SLC4A4: variants seen among roughly 807,000 people sequenced by gnomAD.
The protein encoded by SLC4A4 is solute carrier family 4 member 4.
Under a neutral mutation model 111.5 loss-of-function variants are expected in SLC4A4, and 27 were observed. The observed-to-expected ratio is 0.24, with a 90% CI of 0.18 to 0.33. The LOEUF is 0.33. SLC4A4 is among the 10% of genes least tolerant of loss of function. SLC4A4 has a pLI of 1.00. For missense variants in SLC4A4, 909 were observed against 1,315.5 expected, an observed-to-expected ratio of 0.69 and a Z score of 4.78; for synonymous variants, 443 against 463.4, an observed-to-expected ratio of 0.96 and a Z score of 0.57.
chr4:71,200,663 A>C (rs531621946), intron 1 of SLC4A4, among the ~76,000 whole-genome samples: 2 of 152,322 alleles, frequency 1.3e-5, no homozygotes, highest in Middle Eastern at 6.8e-3. Context: ...GGCCATCAGC[A>C]AAGGGGCCTG....
intron 8 of SLC4A4, among the ~76,000 whole-genome samples, chr4:71,443,434 G>A (rs1560513496): frequency 6.6e-6 from 1 of 151,956 alleles, no homozygotes; most frequent in Non-Finnish European, 1.5e-5. Context: ...ACAGGCATGA[G>A]CCACCGTGCC....
chr4:71,405,182 A>G (rs1023121294), intron 7 of SLC4A4, among the ~76,000 whole-genome samples: 1 of 152,060 alleles, frequency 6.6e-6, no homozygotes, highest in African/African-American at 2.4e-5. Context: ...AAACTTTAGA[A>G]TTTTCTGATT....
At position 71,188,875 on chromosome 4, in the gene SLC4A4, A is replaced by G. The variant is rs191832941; in HGVS notation, c.-2+1474A>G. Among the ~76,000 whole-genome samples the G allele has an allele frequency of 1.3e-3, 200 of 152,312 alleles. 1 individual carries two copies. Among genetic ancestry groups the G allele is most frequent in the African/African-American group, 4.6e-3 (190 of 41,560 alleles). ...AGGAAGTGTGCCTGTTTATTTTTCTATAACTTTTATAGCTGAGAAAAAACT... is the reference window on the plus strand; with the variant it reads ...AGGAAGTGTGCCTGTTTATTTTTCTGTAACTTTTATAGCTGAGAAAAAACT... On this transcript the variant is annotated intron_variant, in intron 1 of 25. Coordinates refer to ENST00000264485, the MANE Select transcript of SLC4A4 (RefSeq NM_001098484.3).
intron 2 of SLC4A4, among the ~76,000 whole-genome samples, chr4:71,123,700 C>T (rs1479076113): frequency 3.3e-5 from 5 of 152,084 alleles, no homozygotes; most frequent in South Asian, 2.1e-4. Flanking sequence ...CTCATTCTGT[C>T]GTGTCTTATT....
At position 71,397,436 on chromosome 4, in the gene SLC4A4, A is replaced by G. The variant is rs916950499; in HGVS notation, c.731-141A>G. 23 of 772,704 alleles carry G rather than the reference A, an allele frequency of 3.0e-5. No individual in the cohort carries two copies. In the African/African-American group the frequency reaches 4.0e-4, roughly 13 times the overall value. 47.9% of individuals were successfully genotyped at this position (772,704 alleles called of 1,614,324 possible). ...TGTACTCCAACCTGGACTCTGGAAA[A>G]CTCTTCAGAAGAATCCTAGTGTGGT... is the stretch of plus-strand genomic sequence containing the variant. On this transcript the variant is annotated intron_variant, in intron 6 of 25. Transcript: ENST00000264485.
At chr4:71,077,183 C>T (rs1189989436) in intron 1 of SLC4A4, among the ~76,000 whole-genome samples, 10 of 146,448 alleles carry the variant, frequency 6.8e-5, no homozygotes, top group South Asian at 2.1e-4. Flanking sequence ...TTTTTTGAGA[C>T]GGAGTCTCGC....
At chr4:71,305,843 A>T (rs1725639526) in intron 3 of SLC4A4, among the ~76,000 whole-genome samples, 1 of 152,210 alleles carries the variant, frequency 6.6e-6, no homozygotes, top group Non-Finnish European at 1.5e-5. Context: ...ACATATGAAG[A>T]TTTTATAATG....
chr4:71,420,614 C>T (rs558961994), intron 7 of SLC4A4, among the ~76,000 whole-genome samples: 1 of 152,284 alleles, frequency 6.6e-6, no homozygotes, highest in African/African-American at 2.4e-5. Flanking sequence ...AAAGGGAAGC[C>T]CATCAGACTA....
At chr4:71,437,642 C>T (rs1724279882) in intron 7 of SLC4A4, 3 of 508,930 alleles carry the variant, frequency 5.9e-6, no homozygotes, top group South Asian at 4.4e-5. Context: ...GCAAGTTTAT[C>T]ACCCAAACCT....
At position 71,213,684 on chromosome 4, in the gene SLC4A4, C is replaced by T. The variant is rs368176132; in HGVS notation, c.-1-22892C>T. ...TAAGTTGAAGCCCTAATTTCCAGTA[C>T]GATGATATTTGGAAGTAAGACCTTT... On this transcript the variant is annotated intron_variant, in intron 1 of 25. Transcript: ENST00000264485. 1.2e-4 allele frequency among the ~76,000 whole-genome samples: 18 copies of T among 152,162 alleles called. No individual in the cohort carries two copies. In the South Asian group the frequency reaches 3.5e-3, roughly 30 times the overall value.
chr4:71,275,941 A>G (rs1377480875), intron 3 of SLC4A4, among the ~76,000 whole-genome samples: 2 of 152,234 alleles, frequency 1.3e-5, no homozygotes, highest in African/African-American at 4.8e-5. Context: ...AATCCACGAG[A>G]TGTGGCTGCC....
intron 16 of SLC4A4, among the ~76,000 whole-genome samples, chr4:71,530,308 C>T (rs887180928): frequency 2.6e-5 from 4 of 152,090 alleles, no homozygotes; most frequent in Non-Finnish European, 5.9e-5. Flanking sequence ...TATTGTTAAG[C>T]ACTTTCATGG....
At chr4:71,381,697 C>G (rs1325502484) in intron 6 of SLC4A4, among the ~76,000 whole-genome samples, 1 of 152,140 alleles carries the variant, frequency 6.6e-6, no homozygotes, top group Admixed American at 6.6e-5. Context: ...CAGACACAGT[C>G]CCTATCTTAG....
chr4:71,172,970 C>T (rs1578549582), intron 2 of SLC4A4, among the ~76,000 whole-genome samples: 2 of 152,160 alleles, frequency 1.3e-5, no homozygotes, highest in Non-Finnish European at 2.9e-5. Context: ...ACTGTCTGTA[C>T]TATGTTTTTC....
At chr4:71,259,590 A>AC (rs371769999) in intron 3 of SLC4A4, among the ~76,000 whole-genome samples, 81 of 151,946 alleles carry the variant, frequency 5.3e-4, no homozygotes, top group African/African-American at 1.9e-3. Flanking sequence ...GAGAAAAGTT[A>AC]GATTGTGCTC....
chr4:71,491,782 G>A (rs943690181), intron 15 of SLC4A4, among the ~76,000 whole-genome samples: 1 of 151,386 alleles, frequency 6.6e-6, no homozygotes, highest in African/African-American at 2.4e-5. Flanking sequence ...TAGAAGTTTG[G>A]TGATGTTTTT....
At chr4:71,428,241 C>T (rs188391569) in intron 7 of SLC4A4, among the ~76,000 whole-genome samples, 1 of 152,230 alleles carries the variant, frequency 6.6e-6, no homozygotes, top group East Asian at 1.9e-4. Context: ...TAGACCTGGG[C>T]TCTCCCTTAC....
intron 3 of SLC4A4, among the ~76,000 whole-genome samples, chr4:71,259,978 A>G (rs1023901438): frequency 6.6e-6 from 1 of 152,190 alleles, no homozygotes; most frequent in Non-Finnish European, 1.5e-5. Context: ...TCTCACACAC[A>G]GGTCTTGCCC....
chr4:71,142,761 CTTTTTTTTTT>C (rs34495804), intron 2 of SLC4A4, among the ~76,000 whole-genome samples: 5 of 78,038 alleles, frequency 6.4e-5, no homozygotes, highest in African/African-American at 2.4e-4. Context: ...TTTTCTCACT[CTTTTTTTTTT>C]TTTTTTTTTT....
Sources: allele counts gnomAD v4.1 joint callset (sites outside exome capture counted in the v4.1 genomes callset), GRCh38; gene constraint gnomAD v4.1.1; transcripts MANE v1.5; gene names NCBI Gene and HGNC (gene_info 2026-07-23, HGNC 2026-07-21).